RPS19BP1: variants seen among roughly 807,000 people sequenced by gnomAD.
RPS19BP1 encodes the protein active regulator of SIRT1.
Under a neutral mutation model 16.6 loss-of-function variants are expected in RPS19BP1, and 14 were observed. That is an observed-to-expected ratio of 0.84 (90% CI 0.56 to 1.32). The LOEUF is 1.32. Among genes scored for constraint, RPS19BP1 ranks in the 40% most tolerant of loss-of-function variants. RPS19BP1 has a pLI of 0.00. For synonymous variants in RPS19BP1, 90 were observed against 77.3 expected (o/e 1.16, Z -0.86); for missense variants, 188 against 178.6 (o/e 1.05, Z -0.30).
chr22:39,529,487 G>GGAGC lies in RPS19BP1; in HGVS notation c.*1_*4dup, dbSNP rs749504590. On this transcript the variant is annotated 3_prime_UTR_variant, in exon 4 of 4. Coordinates refer to ENST00000334678, the MANE Select transcript of RPS19BP1 (RefSeq NM_194326.4). ...AAGGCCTCTTCACCGTGCCCTCCAG[G>GGAGC]GAGCCTAGCTGCCGAAGTATTCCTG... 1 of 1,614,144 alleles carries GGAGC rather than the reference G, an allele frequency of 6.2e-7. No individual in the cohort carries two copies.
chr22:39,531,015 A>C (rs1931298643), intron 2 of RPS19BP1: 1 of 152,276 alleles, frequency 6.6e-6, no homozygotes, highest in Non-Finnish European at 1.5e-5. Flanking sequence ...AATTCAGGCA[A>C]GAGACGATGC....
At chr22:39,531,425 C>T (rs1321672710) in intron 2 of RPS19BP1, 1 of 152,220 alleles carries the variant, frequency 6.6e-6, no homozygotes, top group African/African-American at 2.4e-5. Flanking sequence ...ACAGTAAGAG[C>T]TTGCCACGTC....
At chr22:39,530,419 G>GA (rs749952677) in intron 2 of RPS19BP1, 7 of 224,460 alleles carry the variant, frequency 3.1e-5, no homozygotes, top group African/African-American at 4.8e-5. Flanking sequence ...AAATGTGTTT[G>GA]AAAAACACAA....
rs769890578 is a variant in RPS19BP1, at chr22:39,529,453, C to T, written c.*39G>A. The T allele has an allele frequency of 1.2e-6, 2 of 1,611,050 alleles. No individual in the cohort carries two copies. The highest frequency in any genetic ancestry group is 2.2e-5 in the East Asian group (1 of 44,826). ...TGGAGCCAGCAGGAGTCGGAGGCTG[C>T]AGGGCTTGAAGGCCTCTTCACCGTG... On this transcript the variant is annotated 3_prime_UTR_variant, in exon 4 of 4. Transcript: ENST00000334678.
At position 39,532,711 on chromosome 22, in the gene RPS19BP1, G is replaced by C. The variant is rs1209271926; in HGVS notation, c.28C>G (p.Leu10Val). Residue 10 changes from leucine (L) to valine (V), a missense_variant, in exon 1 of 4, where the codon CTG becomes GTG. Coordinates refer to ENST00000334678, the MANE Select transcript of RPS19BP1 (RefSeq NM_194326.4). MSAALLRRG[L>V]ELLAASEAPR... ...CCCTCGGACGCCGCCAGCAGCTCCA[G>C]GCCCCGCCGCAGCAGGGCGGCGGAC... is the stretch of plus-strand genomic sequence containing the variant. 2.6e-6 allele frequency: 4 copies of C among 1,543,132 alleles called. No homozygotes were observed. Among genetic ancestry groups the C allele is most frequent in the African/African-American group, 2.7e-5 (2 of 73,044 alleles).
chr22:39,529,127 A>C lies in RPS19BP1; in HGVS notation c.*365T>G. ...CACATTTATTGTAACTTGGAAGCCC[A>C]CCCTTCTTCCTACTCCTGGAGCTGT... is the stretch of plus-strand genomic sequence containing the variant. On this transcript the variant is annotated 3_prime_UTR_variant, in exon 4 of 4. Transcript: ENST00000334678. The C allele has an allele frequency of 3.7e-6, 1 of 269,032 alleles. No homozygotes were observed. The highest frequency in any genetic ancestry group is 3.7e-5 in the South Asian group (1 of 26,884). 16.7% of individuals were successfully genotyped at this position (269,032 alleles called of 1,614,324 possible).
intron 2 of RPS19BP1, 38 bp downstream of exon 2, chr22:39,532,357 C>A (rs1931333874): frequency 6.2e-7 from 1 of 1,613,836 alleles, no homozygotes; most frequent in African/African-American, 1.3e-5. Flanking sequence ...CAGGTCCCAG[C>A]ACCGGAGGCA....
chr22:39,529,738 G>C (rs1213910881), intron 3 of RPS19BP1, 82 bp downstream of exon 3: 1 of 1,597,474 alleles, frequency 6.3e-7, no homozygotes, highest in African/African-American at 1.3e-5. Context: ...CCTATGCTCA[G>C]GGCTGAGACC....
chr22:39,532,637 A>G (rs775497456), intron 1 of RPS19BP1, 50 bp downstream of exon 1: 1 of 1,589,252 alleles, frequency 6.3e-7, no homozygotes, highest in Non-Finnish European at 8.5e-7. Context: ...GCCCGCAGCC[A>G]CTACCATCCT....
chr22:39,529,286 G>C lies in RPS19BP1; in HGVS notation c.*206C>G. ...GCTCTGCCCAGGCCTGCGGAAGCCAGCTCCGGTCTGTGTGTAAATCCTCCC... is the reference window on the plus strand; with the variant it reads ...GCTCTGCCCAGGCCTGCGGAAGCCACCTCCGGTCTGTGTGTAAATCCTCCC... On this transcript the variant is annotated 3_prime_UTR_variant, in exon 4 of 4. Transcript: ENST00000334678. The C allele has an allele frequency of 1.5e-6, 1 of 651,274 alleles. No individual in the cohort carries two copies. The highest frequency in any genetic ancestry group is 1.9e-5 in the South Asian group (1 of 51,568). 40.3% of individuals were successfully genotyped at this position (651,274 alleles called of 1,614,324 possible). A position where few individuals can be genotyped will look rare whatever the true frequency, so the allele number is the denominator to read the frequency against.
intron 2 of RPS19BP1, chr22:39,532,069 T>A (rs920055070): frequency 6.3e-6 from 2 of 316,994 alleles, no homozygotes; most frequent in African/African-American, 4.5e-5. Context: ...GGCTGAAATG[T>A]CGCTTCCTCA....
Position 39,532,248 on chromosome 22 carries a change from G to GT in RPS19BP1, c.181+146dup, listed in dbSNP as rs537722588. The stretch of plus-strand genomic sequence containing the variant: ...GACGGTGGCGTGTTCTGTCACCTTC[G>GT]TATGTCCAGGGCCCCGCTCCGCGCC... On this transcript the variant is annotated intron_variant, in intron 2 of 3. Coordinates refer to ENST00000334678, the MANE Select transcript of RPS19BP1 (RefSeq NM_194326.4). 6,127 of 1,111,626 alleles carry GT rather than the reference G, an allele frequency of 5.5e-3. 22 individuals are homozygous for GT. The highest frequency in any genetic ancestry group is 6.1e-3 in the Non-Finnish European group (4,706 of 775,982). 68.9% of individuals were successfully genotyped at this position (1,111,626 alleles called of 1,614,324 possible).
In RPS19BP1 at chr22:39,532,698, G is replaced by A. The variant is rs757055185; in HGVS notation, c.41C>T (p.Ala14Val). The change falls in exon 1 of 4, where the codon GCG becomes GTG. Residue 14 changes from alanine to valine, a missense_variant. Ala to Val is a moderately conservative substitution (Grantham distance 64). Transcript: ENST00000334678. ...CCAGCCCTCCTCACCCTCGGACGCC[G>A]CCAGCAGCTCCAGGCCCCGCCGCAG... ...ALLRRGLELL[A>V]ASEAPRDPPG... 2.6e-6 allele frequency: 4 copies of A among 1,542,984 alleles called. No individual in the cohort carries two copies. The South Asian group carries it at 3.5e-5, about 14-fold the overall frequency.
chr22:39,529,596 C>T lies in RPS19BP1; in HGVS notation c.307G>A (p.Ala103Thr). The change falls in exon 4 of 4, where the codon GCC becomes ACC. Residue 103 changes from alanine (A) to threonine (T), a missense_variant. Ala to Thr is a moderately conservative substitution (Grantham distance 58, BLOSUM62 0). Transcript: ENST00000334678. The stretch of plus-strand genomic sequence containing the variant: ...GTCTTGGCCACAGGCCGGTCACAGG[C>T]CTTGCGGCCCCGGTTCTGGCGCAAA... ...QILRQNRGRK[A>T]CDRPVAKTKK... 6.2e-7 allele frequency: 1 copy of T among 1,614,152 alleles called. No individual in the cohort carries two copies. Among genetic ancestry groups the T allele is most frequent in the Non-Finnish European group, 8.5e-7 (1 of 1,180,014 alleles).
Position 39,532,724 on chromosome 22 carries a change from C to T in RPS19BP1, c.15G>A (p.Leu5=). 6.5e-7 allele frequency: 1 copy of T among 1,544,512 alleles called. No individual in the cohort carries two copies. Among genetic ancestry groups the T allele is most frequent in the Non-Finnish European group, 8.7e-7 (1 of 1,147,424 alleles). The part of the protein sequence containing the change: MSAA[L]LRRGLELLAA... The stretch of plus-strand genomic sequence containing the variant: ...CCAGCAGCTCCAGGCCCCGCCGCAG[C>T]AGGGCGGCGGACATGGCGGCGCTTG... Residue 5 remains leucine, a synonymous_variant, in exon 1 of 4, where the codon CTG becomes CTA. Coordinates refer to ENST00000334678, the MANE Select transcript of RPS19BP1 (RefSeq NM_194326.4).
In RPS19BP1 at chr22:39,532,515, C is replaced by T. The variant is rs759639830; in HGVS notation, c.61G>A (p.Asp21Asn). The T allele has an allele frequency of 1.2e-6, 2 of 1,614,040 alleles. No homozygotes were observed. The highest frequency in any genetic ancestry group is 2.2e-5 in the South Asian group (2 of 91,088). ...ELLAASEAPR[D>N]PPGQAKPRGA... ...CTCGGCTTGGCCTGACCTGGAGGGT[C>T]CCGGGGGGCTGTAGGGGAAGAGAGA... Residue 21 changes from aspartate to asparagine, a missense_variant, in exon 2 of 4, where the codon GAC (aspartate) becomes AAC (asparagine). Coordinates refer to ENST00000334678, the MANE Select transcript of RPS19BP1 (RefSeq NM_194326.4).
intron 3 of RPS19BP1, 89 bp from the exon 4 acceptor site, chr22:39,529,712 T>A (rs984956714): frequency 3.3e-5 from 52 of 1,595,596 alleles, no homozygotes; most frequent in African/African-American, 4.0e-5. Flanking sequence ...AGGGCAGGGC[T>A]GGCCCAGCCT....
intron 2 of RPS19BP1, chr22:39,531,916 A>G (rs1358241443): frequency 5.8e-6 from 1 of 171,640 alleles, no homozygotes. Flanking sequence ...CTCATTCACT[A>G]GGTCACCTTT....
chr22:39,532,706 C>A lies in RPS19BP1; in HGVS notation c.33G>T (p.Glu11Asp). The A allele has an allele frequency of 3.2e-6, 5 of 1,543,120 alleles. No homozygotes were observed. Among genetic ancestry groups the A allele is most frequent in the Non-Finnish European group, 4.4e-6 (5 of 1,147,020 alleles). The change falls in exon 1 of 4, where the codon GAG becomes GAT. Residue 11 changes from glutamate (E) to aspartate (D), a missense_variant. Glu to Asp is a conservative substitution (Grantham distance 45). Coordinates refer to ENST00000334678, the MANE Select transcript of RPS19BP1 (RefSeq NM_194326.4). MSAALLRRGLELLAASEAPRD... is the reference protein window; with the variant it reads MSAALLRRGLDLLAASEAPRD... ...CCTCACCCTCGGACGCCGCCAGCAG[C>A]TCCAGGCCCCGCCGCAGCAGGGCGG... is the stretch of plus-strand genomic sequence containing the variant.
Sources: allele counts gnomAD v4.1 joint callset, GRCh38; gene constraint gnomAD v4.1.1; transcripts MANE v1.5; gene names NCBI Gene and HGNC (gene_info 2026-07-23, HGNC 2026-07-21).